The following SLC34A2 variants were observed in gnomAD, a reference collection of about 807,000 sequenced individuals.
The protein encoded by SLC34A2 is solute carrier family 34 member 2.
A neutral mutation model predicts 50.8 loss-of-function variants in SLC34A2; 41 were observed. That is an observed-to-expected ratio of 0.81 (90% CI 0.63 to 1.05). The LOEUF (loss-of-function observed/expected upper bound fraction) is 1.05, where lower values mean the gene tolerates loss of function less well. Ranked by LOEUF, SLC34A2 falls within the 50% of genes least tolerant of loss-of-function variation. The probability of loss-of-function intolerance (pLI) is 0.00; values close to 1 mark genes in which losing one functional copy is unlikely to be tolerated. For synonymous variants in SLC34A2, 401 were observed against 364.2 expected (o/e 1.10, Z -1.15); for missense variants, 879 against 876.7 (o/e 1.00, Z -0.03).
chr4:25,669,779 T>C lies in SLC34A2; in HGVS notation c.768T>C (p.Asn256=), dbSNP rs1419625144. ...QLIVESFHFK[N]GEDAPDLLKV... ...TAGTGGAGAGCTTCCACTTCAAGAA[T>C]GGAGAAGATGCCCCAGATCTTCTGA... The change falls in exon 7 of 13, where the codon AAT becomes AAC. Residue 256 remains asparagine, a synonymous_variant. Transcript: ENST00000382051. 7 of 1,614,166 alleles carry C rather than the reference T, an allele frequency of 4.3e-6. No individual in the cohort carries two copies. Among genetic ancestry groups the C allele is most frequent in the Admixed American group, 1.7e-5 (1 of 60,026 alleles).
intron 1 of SLC34A2, among the ~76,000 whole-genome samples, chr4:25,662,160 C>A (rs1462926372): frequency 6.6e-6 from 1 of 152,266 alleles, no homozygotes. Flanking sequence ...GCGTGAGCCA[C>A]GGTGCCCGTT....
At chr4:25,661,652 T>G (rs193049194) in intron 1 of SLC34A2, among the ~76,000 whole-genome samples, 1 of 152,104 alleles carries the variant, frequency 6.6e-6, no homozygotes, top group African/African-American at 2.4e-5. Flanking sequence ...CCTCCTAAGG[T>G]GTTGGAGTTA....
At chr4:25,656,394 C>G (rs538862561) in intron 1 of SLC34A2, 1 of 152,264 alleles carries the variant, frequency 6.6e-6, no homozygotes, top group East Asian at 1.9e-4. Context: ...CACTGCCCCC[C>G]ACCCAAGTGT....
At chr4:25,658,849 A>C (rs1364721466) in intron 1 of SLC34A2, among the ~76,000 whole-genome samples, 1 of 152,084 alleles carries the variant, frequency 6.6e-6, no homozygotes, top group Non-Finnish European at 1.5e-5. Flanking sequence ...AGAAAGGCTT[A>C]GAGGGGCTCA....
At chr4:25,673,868 T>A (rs930230516) in intron 10 of SLC34A2, among the ~76,000 whole-genome samples, 6 of 152,272 alleles carry the variant, frequency 3.9e-5, no homozygotes, top group Admixed American at 1.3e-4. Context: ...CGGTGCTAGT[T>A]GGGTGGAGGA....
intron 8 of SLC34A2, 67 bp from the exon 9 acceptor site, chr4:25,671,534 C>T (rs1714813527): frequency 1.2e-6 from 2 of 1,610,020 alleles, no homozygotes; most frequent in African/African-American, 2.7e-5. Context: ...CATTCCCACC[C>T]CCGCCATTGC....
intron 12 of SLC34A2, 142 bp downstream of exon 12, chr4:25,674,771 A>C: frequency 9.7e-7 from 1 of 1,036,268 alleles, no homozygotes; most frequent in Non-Finnish European, 1.4e-6. Flanking sequence ...CCACGGGTAA[A>C]GTTTTCAGGA....
At chr4:25,663,412 T>C (rs1311914919) in intron 3 of SLC34A2, among the ~76,000 whole-genome samples, 1 of 152,174 alleles carries the variant, frequency 6.6e-6, no homozygotes, top group Non-Finnish European at 1.5e-5. Context: ...GCTTTGGAGA[T>C]GCTGTGGATA....
chr4:25,676,483 T>A lies in SLC34A2; in HGVS notation c.1807T>A (p.Trp603Arg), dbSNP rs75359384. The change falls in exon 13 of 13, where the codon TGG (tryptophan) becomes AGG (arginine). Residue 603 changes from tryptophan to arginine, a missense_variant. By Grantham distance (101) the Trp-to-Arg change is moderately radical. Coordinates refer to ENST00000382051, the MANE Select transcript of SLC34A2 (RefSeq NM_006424.3). ...GCTGTGGATGCGCTCGCTGAAGCCCTGGGATGCCGTCGTCTCCAAGTTCAC... is the reference window on the plus strand; with the variant it reads ...GCTGTGGATGCGCTCGCTGAAGCCCAGGGATGCCGTCGTCTCCAAGTTCAC... Reference protein sequence around the residue: ...LPLWMRSLKPWDAVVSKFTGC... With the variant: ...LPLWMRSLKPRDAVVSKFTGC... 4 of 1,614,162 alleles carry A rather than the reference T, an allele frequency of 2.5e-6. No homozygotes were observed. Among genetic ancestry groups the A allele is most frequent in the Non-Finnish European group, 3.4e-6 (4 of 1,180,030 alleles).
intron 1 of SLC34A2, among the ~76,000 whole-genome samples, chr4:25,661,337 A>G (rs755059256): frequency 6.6e-6 from 1 of 152,216 alleles, no homozygotes; most frequent in Non-Finnish European, 1.5e-5. Flanking sequence ...CTCTTTTCAC[A>G]GAAGGCCTGG....
At chr4:25,672,471 C>T (rs1714869693) in intron 9 of SLC34A2, among the ~76,000 whole-genome samples, 1 of 152,146 alleles carries the variant, frequency 6.6e-6, no homozygotes, top group Non-Finnish European at 1.5e-5. Context: ...TTTTTTCCAA[C>T]CCAGCCATCC....
At position 25,678,720 on chromosome 4, in the gene SLC34A2, A is replaced by G. The variant is rs2109065096; in HGVS notation, c.*1971A>G. On this transcript the variant is annotated 3_prime_UTR_variant, in exon 13 of 13. Coordinates refer to ENST00000382051, the MANE Select transcript of SLC34A2 (RefSeq NM_006424.3). ...TTTTTTTTTTTTACTGGTTATGGGA[A>G]GGGAGAAATAAAATCATCAAACCCA... 2.2e-6 allele frequency: 1 copy of G among 455,142 alleles called. No homozygotes were observed. Among genetic ancestry groups the G allele is most frequent in the Non-Finnish European group, 4.0e-6 (1 of 251,376 alleles). 28.2% of individuals were successfully genotyped at this position (455,142 alleles called of 1,614,324 possible). A position where few individuals can be genotyped will look rare whatever the true frequency, so the allele number is the denominator to read the frequency against.
chr4:25,668,432 C>G (rs138775168), intron 6 of SLC34A2, among the ~76,000 whole-genome samples: 1 of 152,106 alleles, frequency 6.6e-6, no homozygotes. Flanking sequence ...GCGGGTGGAT[C>G]GCCTGAGGTC....
Position 25,677,619 on chromosome 4 carries a change from C to T in SLC34A2, c.*870C>T, listed in dbSNP as rs917852074. ...ATTGTGGCTAAAGTCTAACGCTCCT[C>T]TCTTGGTCAGATAACAAAAGCCCTC... On this transcript the variant is annotated 3_prime_UTR_variant, in exon 13 of 13. Coordinates refer to ENST00000382051, the MANE Select transcript of SLC34A2 (RefSeq NM_006424.3). The T allele has an allele frequency of 2.0e-5, 3 of 152,204 alleles. No individual in the cohort carries two copies. Among genetic ancestry groups the T allele is most frequent in the Non-Finnish European group, 4.4e-5 (3 of 68,042 alleles). The allele number at this position is 152,204 out of a possible 1,614,324, so 9.4% of individuals were successfully genotyped here. A position where few individuals can be genotyped will look rare whatever the true frequency, so the allele number is the denominator to read the frequency against.
intron 1 of SLC34A2, among the ~76,000 whole-genome samples, chr4:25,659,077 C>T (rs539240034): frequency 3.3e-5 from 5 of 152,228 alleles, no homozygotes; most frequent in Admixed American, 2.6e-4. Flanking sequence ...CCTAAGGCCC[C>T]TGGGTGCCCT....
rs538391547 is a variant in SLC34A2, at chr4:25,672,967, T to A, written c.1049-120T>A. 1.0e-5 allele frequency: 11 copies of A among 1,075,798 alleles called. No individual in the cohort carries two copies. The East Asian group carries it at 2.6e-4, about 25-fold the overall frequency. 66.6% of individuals were successfully genotyped at this position (1,075,798 alleles called of 1,614,324 possible). ...GGGCTGTCTTGATTTGGGGCTGCCATCTGTTAAACTAACAACCAGGAATCT... is the reference window on the plus strand; with the variant it reads ...GGGCTGTCTTGATTTGGGGCTGCCAACTGTTAAACTAACAACCAGGAATCT... On this transcript the variant is annotated intron_variant, in intron 9 of 12. Transcript: ENST00000382051.
intron 3 of SLC34A2, 138 bp from the exon 4 acceptor site, chr4:25,664,064 A>T (rs1714352045): frequency 1.2e-6 from 1 of 840,212 alleles, no homozygotes; most frequent in South Asian, 1.4e-5. Context: ...CTGGCTAGAC[A>T]TAAGAACTTA....
In SLC34A2 at chr4:25,659,396, A is replaced by C. The variant is rs1031373274; in HGVS notation, c.-3-3102A>C. Among the ~76,000 whole-genome samples, 5 of 152,166 alleles carry C rather than the reference A, an allele frequency of 3.3e-5. No individual in the cohort carries two copies. In the East Asian group the frequency reaches 9.6e-4, roughly 29 times the overall value. On this transcript the variant is annotated intron_variant, in intron 1 of 12. Transcript: ENST00000382051. ...TTTATTCAAATATTAACTGAGATCC[A>C]CTACCATGCTGAGCATTGGAGATGA...
chr4:25,659,463 T>C (rs1714067340), intron 1 of SLC34A2, among the ~76,000 whole-genome samples: 1 of 151,904 alleles, frequency 6.6e-6, no homozygotes, highest in African/African-American at 2.4e-5. Flanking sequence ...AATGAGGCCA[T>C]TTACTGTTCA....
Sources: allele counts gnomAD v4.1 joint callset (sites outside exome capture counted in the v4.1 genomes callset), GRCh38; gene constraint gnomAD v4.1.1; transcripts MANE v1.5; gene names NCBI Gene and HGNC (gene_info 2026-07-23, HGNC 2026-07-21).